Variants in RCC1 observed in about 807,000 individuals in gnomAD.
RCC1 encodes the protein regulator of chromosome condensation.
In RCC1, 11 loss-of-function variants were observed where a neutral mutation model predicts 44.4. The observed-to-expected ratio is 0.25, with a 90% CI of 0.16 to 0.41. The LOEUF is 0.41. Ranked by LOEUF, RCC1 falls within the 10% of genes least tolerant of loss-of-function variation. The pLI, the probability that RCC1 is intolerant of heterozygous loss-of-function variation, is 1.00. For synonymous variants in RCC1, 213 were observed against 216.5 expected (o/e 0.98, Z 0.14); for missense variants, 386 against 547.1 (o/e 0.71, Z 2.94).
intron 9 of RCC1, 178 bp from the exon 10 acceptor site, chr1:28,535,693 G>A: frequency 1.3e-6 from 1 of 797,104 alleles, no homozygotes; most frequent in Non-Finnish European, 2.1e-6. Flanking sequence ...AATGACTGTG[G>A]GAATCTGAGC....
At chr1:28,519,181 C>T (rs1049074610) in intron 4 of RCC1, among the ~76,000 whole-genome samples, 2 of 152,072 alleles carry the variant, frequency 1.3e-5, no homozygotes, top group African/African-American at 4.8e-5. Flanking sequence ...TAGGGTGATA[C>T]AGGCAGAGGG....
In RCC1 at chr1:28,538,013, C is replaced by G. The variant is rs746440593; in HGVS notation, c.*6C>G. ...AGGACAAAGAACAGAGCTGATGAAGCCTCTGAGGGCCTGGCTTCTGTCCTG... is the reference window on the plus strand; with the variant it reads ...AGGACAAAGAACAGAGCTGATGAAGGCTCTGAGGGCCTGGCTTCTGTCCTG... On this transcript the variant is annotated 3_prime_UTR_variant, in exon 13 of 13. Transcript: ENST00000683442. The G allele has an allele frequency of 6.2e-7, 1 of 1,610,884 alleles. No individual in the cohort carries two copies. The highest frequency in any genetic ancestry group is 1.1e-5 in the South Asian group (1 of 90,372).
At position 28,530,666 on chromosome 1, in the gene RCC1, C is replaced by T. The variant is rs1295188827; in HGVS notation, c.73+727C>T. 8.9e-6 allele frequency: 13 copies of T among 1,462,296 alleles called. No homozygotes were observed. The East Asian group carries it at 1.2e-4, about 13-fold the overall frequency. The allele number at this position is 1,462,296 out of a possible 1,614,324, so 90.6% of individuals were successfully genotyped here. On this transcript the variant is annotated intron_variant, in intron 5 of 12. Coordinates refer to ENST00000683442, the MANE Select transcript of RCC1 (RefSeq NM_001381865.2). ...TGTGCTGCCAGCGCGGGCTCCTCAG[C>T]GGTGGCCACATCCTCGGGGGAGGGG...
At chr1:28,515,309 G>A (rs1662827025) in intron 3 of RCC1, among the ~76,000 whole-genome samples, 1 of 151,468 alleles carries the variant, frequency 6.6e-6, no homozygotes, top group Non-Finnish European at 1.5e-5. Context: ...AATTAGCTGG[G>A]CATGGTGGTG....
At chr1:28,521,369 C>T (rs761099270) in intron 4 of RCC1, among the ~76,000 whole-genome samples, 49 of 151,746 alleles carry the variant, frequency 3.2e-4, no homozygotes, top group Middle Eastern at 6.9e-3. Context: ...GGTGTGGTGG[C>T]AGGCGCCTGT....
chr1:28,511,339 T>A (rs184863617), intron 3 of RCC1, among the ~76,000 whole-genome samples: 1 of 152,258 alleles, frequency 6.6e-6, no homozygotes, highest in African/African-American at 2.4e-5. Flanking sequence ...TGATCACTTA[T>A]TAAATAACAT....
chr1:28,527,235 T>C, intron 4 of RCC1: 4 of 755,872 alleles, frequency 5.3e-6, no homozygotes, highest in Admixed American at 2.1e-5. Context: ...CGATCTTCAG[T>C]GCATGTGTGT....
chr1:28,536,936 C>A lies in RCC1; in HGVS notation c.1090+37C>A. On this transcript the variant is annotated intron_variant, in intron 12 of 12. Coordinates refer to ENST00000683442, the MANE Select transcript of RCC1 (RefSeq NM_001381865.2). This position sits in a 1 kb window ranked among gnomAD's most constrained non-coding sequence, Gnocchi z 4.9. Reference sequence around the variant, plus strand: ...TGCCTACACTCTGTCTAGTTGGGACCTGGGGGTCATGGTTCTTACCCAATT... The same window carrying A: ...TGCCTACACTCTGTCTAGTTGGGACATGGGGGTCATGGTTCTTACCCAATT... 5.0e-6 allele frequency: 8 copies of A among 1,610,428 alleles called. No individual in the cohort carries two copies. The highest frequency in any genetic ancestry group is 5.9e-6 in the Non-Finnish European group (7 of 1,177,660).
intron 12 of RCC1, among the ~76,000 whole-genome samples, chr1:28,537,383 C>T (rs1407196874): frequency 5.3e-5 from 8 of 152,136 alleles, no homozygotes; most frequent in Non-Finnish European, 1.2e-4. Flanking sequence ...AGGGGGATAG[C>T]CATGGAGGTC....
chr1:28,534,476 G>A (rs950152556), intron 7 of RCC1, among the ~76,000 whole-genome samples: 1 of 152,068 alleles, frequency 6.6e-6, no homozygotes, highest in South Asian at 2.1e-4. Context: ...CACCGCGCCC[G>A]GCCTCTTTTC....
intron 6 of RCC1, 30 bp from the exon 7 acceptor site, chr1:28,532,141 G>A (rs142121229): frequency 4.7e-5 from 76 of 1,604,706 alleles, no homozygotes; most frequent in Non-Finnish European, 6.1e-5. Flanking sequence ...GAGGCCAGAC[G>A]TTGCATTAAT....
At chr1:28,533,845 C>CTTTTCTTTTTTTTTTTTTTT (rs1664357038) in intron 7 of RCC1, among the ~76,000 whole-genome samples, 1 of 46,870 alleles carries the variant, frequency 2.1e-5, no homozygotes, top group African/African-American at 8.1e-5. Flanking sequence ...CTTTTCTTTT[C>CTTTTCTTTTTTTTTTTTTTT]TTTTTTTTTT....
chr1:28,530,435 C>T, intron 5 of RCC1: 2 of 1,263,602 alleles, frequency 1.6e-6, no homozygotes, highest in South Asian at 1.3e-5. Flanking sequence ...CCTGGGACCC[C>T]GGAGGGGGAC....
chr1:28,507,687 G>A, intron 1 of RCC1: 2 of 366,482 alleles, frequency 5.5e-6, no homozygotes, highest in South Asian at 2.0e-5. Flanking sequence ...TCTGCCTCCC[G>A]GGTTCAAGTG....
At chr1:28,511,828 T>G (rs1483708715) in intron 3 of RCC1, among the ~76,000 whole-genome samples, 1 of 150,830 alleles carries the variant, frequency 6.6e-6, no homozygotes, top group East Asian at 2.0e-4. Flanking sequence ...GCCCGGCTAA[T>G]TTTTTTTGCA....
intron 4 of RCC1, among the ~76,000 whole-genome samples, chr1:28,529,182 CTTTTTTTTTTTT>C (rs568053824): frequency 1.2e-5 from 1 of 80,506 alleles, no homozygotes; most frequent in Non-Finnish European, 2.3e-5. Context: ...CGCGCCCAGG[CTTTTTTTTTTTT>C]TTTTTTTTTG....
At chr1:28,514,606 A>G (rs1662774592) in intron 3 of RCC1, among the ~76,000 whole-genome samples, 2 of 151,812 alleles carry the variant, frequency 1.3e-5, no homozygotes, top group South Asian at 2.1e-4. Context: ...TACTAAAAAT[A>G]CAAAATTAGC....
At chr1:28,512,938 G>A (rs1238073608) in intron 3 of RCC1, among the ~76,000 whole-genome samples, 1 of 151,782 alleles carries the variant, frequency 6.6e-6, no homozygotes, top group Non-Finnish European at 1.5e-5. Flanking sequence ...GGGACTACAG[G>A]TGCCTGCCAC....
At chr1:28,514,517 T>G (rs192430024) in intron 3 of RCC1, among the ~76,000 whole-genome samples, 1 of 149,712 alleles carries the variant, frequency 6.7e-6, no homozygotes, top group African/African-American at 2.5e-5. Flanking sequence ...ATCCCAGCAC[T>G]TTGGGAGGCT....
Sources: allele counts gnomAD v4.1 joint callset (sites outside exome capture counted in the v4.1 genomes callset), GRCh38; gene constraint gnomAD v4.1.1; non-coding constraint Gnocchi (gnomAD v3.1); transcripts MANE v1.5; gene names NCBI Gene and HGNC (gene_info 2026-07-23, HGNC 2026-07-21).